Variants in CPEB3 observed in about 807,000 individuals in gnomAD.
CPEB3 encodes cytoplasmic polyadenylation element binding protein 3.
In CPEB3, 20 loss-of-function variants were observed where a neutral mutation model predicts 67.2. That is an observed-to-expected ratio of 0.30 (90% CI 0.21 to 0.43). CPEB3 has a LOEUF of 0.43. Ranked by LOEUF, CPEB3 falls within the 20% of genes least tolerant of loss-of-function variation. The pLI is 1.00. For synonymous variants in CPEB3, 376 were observed against 393.1 expected, an observed-to-expected ratio of 0.96 and a Z score of 0.51; for missense variants, 746 against 968.6, an observed-to-expected ratio of 0.77 and a Z score of 3.05.
At chr10:92,275,261 A>G (rs1841927124) in intron 1 of CPEB3, among the ~76,000 whole-genome samples, 1 of 152,290 alleles carries the variant, frequency 6.6e-6, no homozygotes. Context: ...TACCCATCAG[A>G]CGCCTGTAAC....
chr10:92,254,415 T>C lies in CPEB3; in HGVS notation c.-11-14054A>G, dbSNP rs1430424221. ...TGAGTGATGATCTGTTAAGTAATTC[T>C]AGACATGACTAAGTTTGAGAACAGA... On this transcript the variant is annotated intron_variant, in intron 1 of 9. Transcript: ENST00000265997. Among the ~76,000 whole-genome samples, 7 of 152,184 alleles carry C rather than the reference T, an allele frequency of 4.6e-5. No homozygotes were observed. The East Asian group carries it at 1.3e-3, about 29-fold the overall frequency.
At chr10:92,195,046 A>AAAACACAC (rs1554912732) in intron 2 of CPEB3, among the ~76,000 whole-genome samples, 1 of 117,068 alleles carries the variant, frequency 8.5e-6, no homozygotes, top group African/African-American at 2.9e-5. Flanking sequence ...TGTCTCAAAA[A>AAAACACAC]ACACACACAC....
intron 2 of CPEB3, among the ~76,000 whole-genome samples, chr10:92,224,970 C>A (rs1300760638): frequency 6.8e-6 from 1 of 147,692 alleles, no homozygotes; most frequent in African/African-American, 2.5e-5. Context: ...ACCCCATTTT[C>A]TTTCTTTTTT....
chr10:92,071,265 G>A (rs1263247564), intron 9 of CPEB3, among the ~76,000 whole-genome samples: 5 of 152,170 alleles, frequency 3.3e-5, no homozygotes, highest in Non-Finnish European at 7.3e-5. Flanking sequence ...AAGTTGTAAA[G>A]ATCTGATTTA....
chr10:92,263,771 CCT>C (rs1265176403), intron 1 of CPEB3, among the ~76,000 whole-genome samples: 1 of 152,016 alleles, frequency 6.6e-6, no homozygotes, highest in Non-Finnish European at 1.5e-5. Context: ...AGGGATCCTC[CCT>C]GTTGGTCTCC....
intron 7 of CPEB3, among the ~76,000 whole-genome samples, chr10:92,106,590 G>A (rs1035652220): frequency 2.6e-5 from 4 of 151,904 alleles, no homozygotes; most frequent in Non-Finnish European, 5.9e-5. Context: ...CAAGGCGGGT[G>A]GATCACCTGA....
chr10:92,103,171 T>G (rs1368934326), intron 7 of CPEB3, among the ~76,000 whole-genome samples: 2 of 152,102 alleles, frequency 1.3e-5, no homozygotes, highest in Admixed American at 6.5e-5. Context: ...CACCAGTGGA[T>G]GCCCAAGGTC....
At chr10:92,246,203 A>G (rs1481836514) in intron 1 of CPEB3, among the ~76,000 whole-genome samples, 7 of 144,518 alleles carry the variant, frequency 4.8e-5, no homozygotes, top group East Asian at 2.0e-4. Context: ...GCATGGTGGC[A>G]GGCGCCTGTA....
At chr10:92,138,332 C>G (rs995370202) in intron 6 of CPEB3, 1 of 213,842 alleles carries the variant, frequency 4.7e-6, no homozygotes, top group African/African-American at 2.3e-5. Context: ...TACAACACCT[C>G]CATTGAGGTG....
At chr10:92,090,540 TCAAA>T (rs1012149342) in intron 8 of CPEB3, among the ~76,000 whole-genome samples, 8 of 152,202 alleles carry the variant, frequency 5.3e-5, no homozygotes, top group South Asian at 2.1e-4. Context: ...AGACTCCATC[TCAAA>T]CAAACAAACA....
At chr10:92,216,855 TG>T in intron 2 of CPEB3, 18 of 1,473,374 alleles carry the variant, frequency 1.2e-5, no homozygotes, top group Non-Finnish European at 1.7e-5. Context: ...GCAGGACGAC[TG>T]GCTGTCCTCC....
intron 7 of CPEB3, 40 bp from the exon 8 acceptor site, chr10:92,091,984 A>G: frequency 8.5e-7 from 1 of 1,183,290 alleles, no homozygotes; most frequent in Non-Finnish European, 1.3e-6. Context: ...CTTCATTTCC[A>G]TCAACCCCAA....
chr10:92,247,835 T>C (rs965118447), intron 1 of CPEB3, among the ~76,000 whole-genome samples: 2 of 152,060 alleles, frequency 1.3e-5, no homozygotes, highest in Non-Finnish European at 2.9e-5. Flanking sequence ...TTTCTGAAAT[T>C]TTATCTTGAG....
chr10:92,237,416 C>G (rs1851592515), intron 2 of CPEB3, among the ~76,000 whole-genome samples: 1 of 152,180 alleles, frequency 6.6e-6, no homozygotes, highest in Non-Finnish European at 1.5e-5. Flanking sequence ...GAATCCAGTC[C>G]ATTTGGCTCT....
At chr10:92,257,763 CTT>C (rs1227019226) in intron 1 of CPEB3, among the ~76,000 whole-genome samples, 2 of 135,320 alleles carry the variant, frequency 1.5e-5, no homozygotes, top group South Asian at 2.3e-4. Context: ...GAGTTTCACT[CTT>C]GTCACCCAGG....
At chr10:92,056,718 C>T (rs879467715) in intron 9 of CPEB3, among the ~76,000 whole-genome samples, 8 of 152,134 alleles carry the variant, frequency 5.3e-5, no homozygotes, top group Non-Finnish European at 8.8e-5. Flanking sequence ...ACAGTGGATT[C>T]GGGGGGCACG....
intron 4 of CPEB3, among the ~76,000 whole-genome samples, chr10:92,166,947 A>G (rs529381899): frequency 9.2e-5 from 14 of 152,334 alleles, no homozygotes; most frequent in Admixed American, 2.6e-4. Context: ...AATCTGGGTA[A>G]GTAACTTGCT....
intron 6 of CPEB3, among the ~76,000 whole-genome samples, chr10:92,124,790 A>G (rs921287173): frequency 1.3e-5 from 2 of 152,216 alleles, no homozygotes; most frequent in Non-Finnish European, 2.9e-5. Flanking sequence ...GCTACAAGGG[A>G]AAAAATGTGA....
In CPEB3 at chr10:92,048,677, T is replaced by C. The variant is rs545832557; in HGVS notation, c.*3535A>G. 1 of 152,744 alleles carries C rather than the reference T, an allele frequency of 6.5e-6. No individual in the cohort carries two copies. The highest frequency in any genetic ancestry group is 2.4e-5 in the African/African-American group (1 of 41,558). The allele number at this position is 152,744 out of a possible 1,614,324, so 9.5% of individuals were successfully genotyped here. ...TGTCATTTTATTACCCAATTATCCA[T>C]TACATTTCCAATCACTTTACATAAC... On this transcript the variant is annotated 3_prime_UTR_variant, in exon 10 of 10. Transcript: ENST00000265997. The surrounding 1 kb of genome is among the most constrained non-coding windows in gnomAD (Gnocchi z 4.1).
Sources: allele counts gnomAD v4.1 joint callset (sites outside exome capture counted in the v4.1 genomes callset), GRCh38; gene constraint gnomAD v4.1.1; non-coding constraint Gnocchi (gnomAD v3.1); transcripts MANE v1.5; gene names NCBI Gene and HGNC (gene_info 2026-07-23, HGNC 2026-07-21).